Variants in SLC38A9 observed in about 807,000 individuals in gnomAD.
SLC38A9 encodes solute carrier family 38 member 9, also known as neutral amino acid transporter 9.
SLC38A9 carries 48 observed loss-of-function variants against 62.3 expected under a neutral mutation model. The observed-to-expected ratio is 0.77, with a 90% CI of 0.61 to 0.98. SLC38A9 has a LOEUF of 0.98. SLC38A9 is among the 50% of genes least tolerant of loss of function. SLC38A9 has a pLI of 0.00. For missense variants in SLC38A9, 541 were observed against 679.8 expected, an observed-to-expected ratio of 0.80 and a Z score of 2.27; for synonymous variants, 204 against 227.7, an observed-to-expected ratio of 0.90 and a Z score of 0.94.
intron 3 of SLC38A9, chr5:55,675,315 A>G (rs930015225): frequency 1.3e-5 from 2 of 152,314 alleles, no homozygotes; most frequent in African/African-American, 4.8e-5. Flanking sequence ...AACAGTTTTC[A>G]TCGAGATGCT....
In SLC38A9 at chr5:55,709,430, A is replaced by G. The variant is rs545510564; in HGVS notation, c.-35+2022T>C. ...CCATATATACTTTTTAAAAAATACCATATAGGTCCAGTGTGGTGGCTCATG... is the reference window on the plus strand; with the variant it reads ...CCATATATACTTTTTAAAAAATACCGTATAGGTCCAGTGTGGTGGCTCATG... On this transcript the variant is annotated intron_variant, in intron 2 of 15. Transcript: ENST00000396865. Among the ~76,000 whole-genome samples, 9 of 151,900 alleles carry G rather than the reference A, an allele frequency of 5.9e-5. No individual in the cohort carries two copies. In the South Asian group the frequency reaches 1.5e-3, roughly 25 times the overall value.
intron 3 of SLC38A9, among the ~76,000 whole-genome samples, chr5:55,694,870 A>G (rs1755261001): frequency 1.3e-5 from 2 of 152,056 alleles, no homozygotes; most frequent in African/African-American, 4.8e-5. Context: ...ATCATGCCTC[A>G]GTCTCCCAAA....
chr5:55,674,961 C>G (rs781423879), intron 3 of SLC38A9, among the ~76,000 whole-genome samples: 1 of 152,150 alleles, frequency 6.6e-6, no homozygotes, highest in Non-Finnish European at 1.5e-5. Flanking sequence ...ATAGTGCATT[C>G]TCTTTTTGCT....
chr5:55,710,469 A>C (rs1178641288), intron 2 of SLC38A9, among the ~76,000 whole-genome samples: 3 of 152,062 alleles, frequency 2.0e-5, no homozygotes, highest in Non-Finnish European at 4.4e-5. Context: ...CAGCCTCCCA[A>C]AAGTGTTGGG....
At chr5:55,646,497 T>C (rs1369527529) in intron 11 of SLC38A9, among the ~76,000 whole-genome samples, 1 of 152,214 alleles carries the variant, frequency 6.6e-6, no homozygotes, top group African/African-American at 2.4e-5. Context: ...CTTCATTTTT[T>C]TAATACCTGA....
At chr5:55,640,480 GA>G (rs1745269101) in intron 12 of SLC38A9, among the ~76,000 whole-genome samples, 1 of 152,280 alleles carries the variant, frequency 6.6e-6, no homozygotes, top group Middle Eastern at 3.4e-3. Context: ...GTTCTACTAA[GA>G]AAGGCAAAGA....
intron 13 of SLC38A9, chr5:55,635,203 A>G (rs1744146423): frequency 3.8e-6 from 1 of 265,690 alleles, no homozygotes; most frequent in South Asian, 4.5e-5. Context: ...TTTTATAACT[A>G]CATGAGAACT....
At chr5:55,642,822 T>C (rs1271244912) in intron 12 of SLC38A9, among the ~76,000 whole-genome samples, 2 of 152,196 alleles carry the variant, frequency 1.3e-5, no homozygotes, top group African/African-American at 2.4e-5. Flanking sequence ...GGTAACATGC[T>C]ACATGTATGG....
intron 6 of SLC38A9, 24 bp from the exon 7 acceptor site, chr5:55,669,345 A>G (rs1482954725): frequency 1.9e-6 from 3 of 1,563,594 alleles, no homozygotes; most frequent in African/African-American, 2.7e-5. Context: ...AAAGTATAAA[A>G]CAGCATATAT....
rs568207701 is a variant in SLC38A9 at position 55,675,259 on chromosome 5, C to G, written c.114-2564G>C. On this transcript the variant is annotated intron_variant, in intron 3 of 15. Coordinates refer to ENST00000396865, the MANE Select transcript of SLC38A9 (RefSeq NM_173514.4). The stretch of plus-strand genomic sequence containing the variant: ...GTGTTAACTGTACCAGTTTAGTTGG[C>G]TTGACTACTCTGAGGGCAGAATGAC... 7.2e-5 allele frequency: 11 copies of G among 152,312 alleles called. No homozygotes were observed. The South Asian group carries it at 2.3e-3, about 32-fold the overall frequency. The allele number at this position is 152,312 out of a possible 1,614,324, so 9.4% of individuals were successfully genotyped here.
intron 8 of SLC38A9, chr5:55,658,005 G>A (rs905358215): frequency 6.6e-6 from 1 of 152,078 alleles, no homozygotes; most frequent in Non-Finnish European, 1.5e-5. Context: ...GAAGTGTACT[G>A]GGTTAAATAG....
At chr5:55,677,526 T>C (rs1752274175) in intron 3 of SLC38A9, among the ~76,000 whole-genome samples, 1 of 151,946 alleles carries the variant, frequency 6.6e-6, no homozygotes, top group Non-Finnish European at 1.5e-5. Context: ...AGCTACTGAA[T>C]TGTAGGTCTT....
chr5:55,653,895 G>A (rs1384010202), intron 9 of SLC38A9, among the ~76,000 whole-genome samples: 1 of 152,170 alleles, frequency 6.6e-6, no homozygotes, highest in Non-Finnish European at 1.5e-5. Flanking sequence ...TTGACCTCGT[G>A]ATCTGCCCGC....
chr5:55,635,714 T>C (rs1744280806), intron 12 of SLC38A9, 57 bp from the exon 13 acceptor site: 2 of 1,151,784 alleles, frequency 1.7e-6, no homozygotes, highest in Admixed American at 3.5e-5. Context: ...TAAGTCTACC[T>C]TAATAGGCTA....
chr5:55,704,644 G>C (rs531617595), intron 2 of SLC38A9, among the ~76,000 whole-genome samples: 18 of 152,286 alleles, frequency 1.2e-4, no homozygotes, highest in African/African-American at 4.3e-4. Flanking sequence ...TTGATAAGTA[G>C]CCAGAACCGT....
rs1011583913 is a variant in SLC38A9, at chr5:55,656,883, C to T, written c.698-109G>A. The T allele has an allele frequency of 1.0e-4, 49 of 479,492 alleles. 1 individual carries two copies. The highest frequency in any genetic ancestry group is 5.7e-4 in the South Asian group (17 of 29,638). 29.7% of individuals were successfully genotyped at this position (479,492 alleles called of 1,614,324 possible). A position where few individuals can be genotyped will look rare whatever the true frequency, so the allele number is the denominator to read the frequency against. The stretch of plus-strand genomic sequence containing the variant: ...ATCTTTTTTTTTTCTTTCTTTGAGA[C>T]GGAGTCTTGCTCTGTTGCCCAGGCT... On this transcript the variant is annotated intron_variant, in intron 8 of 15. Transcript: ENST00000396865.
chr5:55,699,304 G>A (rs959253228), intron 2 of SLC38A9, among the ~76,000 whole-genome samples: 3 of 152,170 alleles, frequency 2.0e-5, no homozygotes, highest in African/African-American at 7.2e-5. Flanking sequence ...TCATGTGTGT[G>A]TATGAGCTTT....
At position 55,671,502 on chromosome 5, in the gene SLC38A9, C is replaced by CTTTTTTTTTT. The variant is rs145470405; in HGVS notation, c.246+1060_246+1061insAAAAAAAAAA. Among the ~76,000 whole-genome samples the CTTTTTTTTTT allele has an allele frequency of 6.2e-5, 9 of 144,352 alleles. 2 individuals carry two copies. The highest frequency in any genetic ancestry group is 6.1e-5 in the Non-Finnish European group (4 of 65,928). 94.7% of individuals were successfully genotyped at this position (144,352 alleles called of 152,430 possible). ...TGTGTACATATTTCAGTTTCCCATT[C>CTTTTTTTTTT]TTCTTTTTTTTTTTTTTTAAGAGAT... On this transcript the variant is annotated intron_variant, in intron 4 of 15. Coordinates refer to ENST00000396865, the MANE Select transcript of SLC38A9 (RefSeq NM_173514.4).
intron 14 of SLC38A9, among the ~76,000 whole-genome samples, chr5:55,631,306 C>T (rs1316448537): frequency 1.3e-5 from 2 of 151,944 alleles, no homozygotes; most frequent in African/African-American, 4.8e-5. Flanking sequence ...GTGCTTATAA[C>T]TGTCGGATAA....
Sources: gnomAD v4.1 joint callset for allele counts (sites outside exome capture counted in the v4.1 genomes callset) on GRCh38, gnomAD v4.1.1 for gene constraint, MANE v1.5 for transcripts, NCBI Gene and HGNC (gene_info 2026-07-23, HGNC 2026-07-21) for gene names.